UNC5B: variants seen among roughly 807,000 people sequenced by gnomAD.
The protein encoded by UNC5B is unc-5 netrin receptor B, also known as netrin receptor UNC5B.
A neutral mutation model predicts 103.7 loss-of-function variants in UNC5B; 56 were observed. That is an observed-to-expected ratio of 0.54 (90% confidence interval 0.44 to 0.67). The LOEUF (loss-of-function observed/expected upper bound fraction) is 0.67, where lower values mean the gene tolerates loss of function less well. Among genes scored for constraint, UNC5B ranks in the 30% least tolerant of loss-of-function variants. The pLI is 0.00. For missense variants in UNC5B, 1,194 were observed against 1,284.5 expected (o/e 0.93, Z 1.08); for synonymous variants, 577 against 542.0 (o/e 1.06, Z -0.90).
rs10681577 is a variant in UNC5B at position 71,300,029 on chromosome 10, C to CTGTGTG, written c.*780_*785dup. The CTGTGTG allele has an allele frequency of 0.18, 26,276 of 146,606 alleles. 2,396 individuals carry two copies. The highest frequency in any genetic ancestry group is 0.21 in the African/African-American group (8,457 of 39,878). 9.1% of individuals were successfully genotyped at this position (146,606 alleles called of 1,614,324 possible). On this transcript the variant is annotated 3_prime_UTR_variant, in exon 17 of 17. Coordinates refer to ENST00000335350, the MANE Select transcript of UNC5B (RefSeq NM_170744.5). ...CACTTCTGGCCAGGAGTGAATGTGC[C>CTGTGTG]TGTGTGTGTGTGTGTGTGTGTGTGT... is the stretch of plus-strand genomic sequence containing the variant.
intron 1 of UNC5B, among the ~76,000 whole-genome samples, chr10:71,247,952 T>C (rs1382936795): frequency 6.6e-6 from 1 of 152,270 alleles, no homozygotes; most frequent in Middle Eastern, 3.4e-3. Context: ...GCATCTGCCT[T>C]TGGCAAGCTG....
chr10:71,290,869 G>T, intron 8 of UNC5B, 46 bp from the exon 9 acceptor site: 1 of 1,563,900 alleles, frequency 6.4e-7, no homozygotes. Flanking sequence ...GATTGCCCCA[G>T]GGCCTGGTCT....
intron 7 of UNC5B, 51 bp from the exon 8 acceptor site, chr10:71,288,907 C>G: frequency 1.2e-6 from 2 of 1,604,408 alleles, no homozygotes; most frequent in East Asian, 4.5e-5. Flanking sequence ...TTCTCTGCCA[C>G]CCTTTCCCTG....
At chr10:71,295,630 ACTGT>A (rs1347124922) in intron 13 of UNC5B, among the ~76,000 whole-genome samples, 177 bp from the exon 14 acceptor site, 1 of 151,954 alleles carries the variant, frequency 6.6e-6, no homozygotes, top group Non-Finnish European at 1.5e-5. Flanking sequence ...CATCTTTCCC[ACTGT>A]CTGTCTATCC....
At chr10:71,230,799 G>A (rs1843666796) in intron 1 of UNC5B, among the ~76,000 whole-genome samples, 1 of 152,246 alleles carries the variant, frequency 6.6e-6, no homozygotes, top group African/African-American at 2.4e-5. Flanking sequence ...AAGATTATGG[G>A]GCAGGGAAGC....
intron 1 of UNC5B, among the ~76,000 whole-genome samples, chr10:71,236,498 A>G (rs1843777519): frequency 6.6e-6 from 1 of 152,082 alleles, no homozygotes; most frequent in Admixed American, 6.6e-5. Context: ...GCTCGTAAAT[A>G]TGAAGCCGGG....
intron 1 of UNC5B, among the ~76,000 whole-genome samples, chr10:71,251,784 G>A (rs1284437634): frequency 1.3e-5 from 2 of 152,140 alleles, no homozygotes; most frequent in African/African-American, 2.4e-5. Flanking sequence ...AGTGCCACAG[G>A]CTGAAGCACA....
At chr10:71,295,620 C>G (rs1830526700) in intron 13 of UNC5B, among the ~76,000 whole-genome samples, 191 bp from the exon 14 acceptor site, 1 of 152,196 alleles carries the variant, frequency 6.6e-6, no homozygotes, top group Non-Finnish European at 1.5e-5. Context: ...TTCATCTAGT[C>G]ATCTTTCCCA....
chr10:71,291,222 T>C, intron 9 of UNC5B, 113 bp downstream of exon 9: 1 of 1,413,024 alleles, frequency 7.1e-7, no homozygotes, highest in Non-Finnish European at 9.6e-7. Context: ...TTTTCCAGAG[T>C]TTGCTCTAGA....
rs1489539644 is a variant in UNC5B at position 71,212,995 on chromosome 10, C to T, written c.10C>T (p.Arg4Trp). MGA[R>W]SGARGALLLA... ...ACCAGGCCGCGGGAGCATGGGGGCC[C>T]GGAGCGGAGCTCGGGGCGCGCTGCT... Residue 4 changes from arginine to tryptophan, a missense_variant, in exon 1 of 17, where the codon CGG (arginine) becomes TGG (tryptophan). Coordinates refer to ENST00000335350, the MANE Select transcript of UNC5B (RefSeq NM_170744.5). The T allele has an allele frequency of 1.4e-6, 2 of 1,398,808 alleles. No individual in the cohort carries two copies. Among genetic ancestry groups the T allele is most frequent in the Non-Finnish European group, 1.9e-6 (2 of 1,071,366 alleles). The allele number at this position is 1,398,808 out of a possible 1,614,324, so 86.6% of individuals were successfully genotyped here.
intron 1 of UNC5B, among the ~76,000 whole-genome samples, chr10:71,237,533 T>G (rs967231572): frequency 1.5e-5 from 2 of 130,470 alleles, no homozygotes; most frequent in Non-Finnish European, 3.5e-5. Context: ...ATCTGTAAAG[T>G]GGGGGTAAGA....
chr10:71,213,010 G>A lies in UNC5B; in HGVS notation c.25G>A (p.Gly9Ser), dbSNP rs1238440483. Residue 9 changes from glycine (G) to serine (S), a missense_variant, in exon 1 of 17, where the codon GGC becomes AGC. Gly to Ser is a moderately conservative substitution (Grantham distance 56). Transcript: ENST00000335350. This position sits in a 1 kb window ranked among gnomAD's most constrained non-coding sequence, Gnocchi z 4.1. MGARSGAR[G>S]ALLLALLLCW... ...CATGGGGGCCCGGAGCGGAGCTCGG[G>A]GCGCGCTGCTGCTGGCACTGCTGCT... 2 of 1,413,556 alleles carry A rather than the reference G, an allele frequency of 1.4e-6. No individual in the cohort carries two copies. Among genetic ancestry groups the A allele is most frequent in the East Asian group, 2.8e-5 (1 of 35,996 alleles). 87.6% of individuals were successfully genotyped at this position (1,413,556 alleles called of 1,614,324 possible).
At position 71,233,675 on chromosome 10, in the gene UNC5B, T is replaced by C. The variant is rs1843723870; in HGVS notation, c.79+20611T>C. Among the ~76,000 whole-genome samples the C allele has an allele frequency of 2.0e-5, 3 of 152,186 alleles. No individual in the cohort carries two copies. The South Asian group carries it at 6.2e-4, about 32-fold the overall frequency. ...GTTAATGAGGACCAACCCCTACAGA[T>C]GGCAGCTGGGAGACAGGCCAGCCAG... On this transcript the variant is annotated intron_variant, in intron 1 of 16. Coordinates refer to ENST00000335350, the MANE Select transcript of UNC5B (RefSeq NM_170744.5).
chr10:71,231,564 A>C (rs1843684077), intron 1 of UNC5B, among the ~76,000 whole-genome samples: 1 of 152,234 alleles, frequency 6.6e-6, no homozygotes, highest in Non-Finnish European at 1.5e-5. Flanking sequence ...CTAAATGCTC[A>C]GAACGGTGCC....
chr10:71,280,183 C>A, intron 2 of UNC5B, 138 bp downstream of exon 2: 1 of 974,012 alleles, frequency 1.0e-6, no homozygotes, highest in Non-Finnish European at 1.5e-6. Flanking sequence ...CATGTCCCAG[C>A]CTGACTTTGG....
intron 1 of UNC5B, among the ~76,000 whole-genome samples, chr10:71,262,620 A>C (rs1190420942): frequency 6.6e-6 from 1 of 152,236 alleles, no homozygotes; most frequent in Non-Finnish European, 1.5e-5. Flanking sequence ...GGTGCCATCC[A>C]GCCAGAAATG....
At chr10:71,284,685 C>T (rs1287350948) in intron 2 of UNC5B, 35 bp from the exon 3 acceptor site, 1 of 1,610,614 alleles carries the variant, frequency 6.2e-7, no homozygotes, top group Non-Finnish European at 8.5e-7. Context: ...CTTGCTTTGC[C>T]CCTGCCCCCT....
intron 1 of UNC5B, among the ~76,000 whole-genome samples, chr10:71,246,581 G>A (rs1844043545): frequency 6.6e-6 from 1 of 152,134 alleles, no homozygotes; most frequent in Non-Finnish European, 1.5e-5. Context: ...AGGGAAGGAA[G>A]AAGGGAGGGA....
intron 1 of UNC5B, among the ~76,000 whole-genome samples, chr10:71,246,420 C>A (rs1205704052): frequency 1.3e-5 from 2 of 152,000 alleles, no homozygotes; most frequent in Non-Finnish European, 2.9e-5. Flanking sequence ...GGGAGCCCAC[C>A]TGAGGGAGGT....
Sources: allele counts gnomAD v4.1 joint callset (sites outside exome capture counted in the v4.1 genomes callset), GRCh38; gene constraint gnomAD v4.1.1; non-coding constraint Gnocchi (gnomAD v3.1); transcripts MANE v1.5; gene names NCBI Gene and HGNC (gene_info 2026-07-23, HGNC 2026-07-21).